The following SULT1E1 variants were observed in gnomAD, a reference collection of about 807,000 sequenced individuals.
The protein encoded by SULT1E1 is sulfotransferase family 1E member 1.
Under a neutral mutation model 33.6 loss-of-function variants are expected in SULT1E1, and 36 were observed. That is an observed-to-expected ratio of 1.07 (90% CI 0.82 to 1.41). The LOEUF is 1.41. Ranked by LOEUF, SULT1E1 falls within the 40% of genes most tolerant of loss-of-function variation. The pLI, the probability that SULT1E1 is intolerant of heterozygous loss-of-function variation, is 0.00. For missense variants in SULT1E1, 371 were observed against 345.7 expected (o/e 1.07, Z -0.58); for synonymous variants, 121 against 111.7 (o/e 1.08, Z -0.53).
Position 69,858,119 on chromosome 4 carries a change from T to C in SULT1E1, c.-9-466A>G, listed in dbSNP as rs566725563. Among the ~76,000 whole-genome samples, 304 of 152,282 alleles carry C rather than the reference T, an allele frequency of 2.0e-3. 3 individuals are homozygous for C. Among genetic ancestry groups the C allele is most frequent in the Non-Finnish European group, 3.7e-3 (252 of 67,976 alleles). ...GCCGGGTATCTAAGTCAGAGATTTT[T>C]GACTTCCTGAATATGTATCATTTTT... On this transcript the variant is annotated intron_variant, in intron 1 of 7. Transcript: ENST00000226444.
chr4:69,828,280 G>A, the SULT1E1 span, among the ~76,000 whole-genome samples: 10 of 152,124 alleles, frequency 6.6e-5, no homozygotes, highest in African/African-American at 9.7e-5. Flanking sequence ...TTGTTCTTTC[G>A]CTCTTCACAA....
At chr4:69,835,805 A>G in the SULT1E1 span, among the ~76,000 whole-genome samples, 1 of 152,044 alleles carries the variant, frequency 6.6e-6, no homozygotes, top group African/African-American at 2.4e-5. Context: ...TGTTATTTTT[A>G]TTTTTGTAGA....
chr4:69,826,605 G>T, the SULT1E1 span, among the ~76,000 whole-genome samples: 1 of 152,052 alleles, frequency 6.6e-6, no homozygotes, highest in Non-Finnish European at 1.5e-5. Flanking sequence ...CCCTTGAAAT[G>T]CATCCTAACT....
rs3775776 is a variant in SULT1E1 at position 69,848,770 on chromosome 4, A to G, written c.496+667T>C. On this transcript the variant is annotated intron_variant, in intron 5 of 7. Coordinates refer to ENST00000226444, the MANE Select transcript of SULT1E1 (RefSeq NM_005420.3). ...AAACACATTATTATTTTTCTTTATA[A>G]TTGTTACTACATGATCAGAATGGCC... Among the ~76,000 whole-genome samples the G allele has an allele frequency of 8.9e-3, 1,351 of 152,036 alleles. 138 individuals carry two copies. In the East Asian group the frequency reaches 0.24, roughly 27 times the overall value.
At position 69,849,510 on chromosome 4, in the gene SULT1E1, G is replaced by C; in HGVS notation, c.423C>G (p.Phe141Leu). ...AKDVAVSFYY[F>L]FLMVAGHPNP... ...TTGGATGACCAGCCACCATTAGAAA[G>C]AAATAATAAAAGGAAACAGCCACAT... The change falls in exon 5 of 8, where the codon TTC (phenylalanine) becomes TTG (leucine). Residue 141 changes from phenylalanine (F) to leucine (L), a missense_variant. Physicochemically the swap from Phe to Leu is conservative, Grantham distance 22. Transcript: ENST00000226444. 2 of 1,611,120 alleles carry C rather than the reference G, an allele frequency of 1.2e-6. No individual in the cohort carries two copies. Among genetic ancestry groups the C allele is most frequent in the Admixed American group, 1.7e-5 (1 of 59,714 alleles).
downstream of SULT1E1, among the ~76,000 whole-genome samples, chr4:69,839,800 G>C (rs1044941438): frequency 2.0e-5 from 3 of 152,144 alleles, no homozygotes; most frequent in African/African-American, 4.8e-5. Context: ...AAGTTTCTAC[G>C]TGAAATTGAA....
Position 69,855,308 on chromosome 4 carries a change from G to T in SULT1E1, c.264C>A (p.Leu88=). The change falls in exon 3 of 8, where the codon CTC becomes CTA. Residue 88 remains leucine (L), a synonymous_variant. Transcript: ENST00000226444. Reference sequence around the variant, plus strand: ...AATCAACTTGAACGTTACCATTCATGAGGTTTTCTTTTCTGCATTCCAGGA... The same window carrying T: ...AATCAACTTGAACGTTACCATTCATTAGGTTTTCTTTTCTGCATTCCAGGA... ...IPFLECRKEN[L]MNGVKQLDEM... 1 of 1,612,096 alleles carries T rather than the reference G, an allele frequency of 6.2e-7. No homozygotes were observed. The highest frequency in any genetic ancestry group is 8.5e-7 in the Non-Finnish European group (1 of 1,178,978).
intron 3 of SULT1E1, among the ~76,000 whole-genome samples, chr4:69,854,810 T>C (rs1721203923): frequency 6.6e-6 from 1 of 152,044 alleles, no homozygotes; most frequent in Non-Finnish European, 1.5e-5. Context: ...TCTTTTTCTC[T>C]CAAAATATTA....
At chr4:69,840,217 A>G (rs953248993), downstream of SULT1E1, among the ~76,000 whole-genome samples, 1 of 152,312 alleles carries the variant, frequency 6.6e-6, no homozygotes, top group South Asian at 2.1e-4. Flanking sequence ...CATTAAAAAA[A>G]AGCTTTGATT....
chr4:69,844,770 G>A (rs1290451515), intron 6 of SULT1E1, among the ~76,000 whole-genome samples: 1 of 152,062 alleles, frequency 6.6e-6, no homozygotes, highest in Non-Finnish European at 1.5e-5. Context: ...GAAAGATTAA[G>A]AAAAGGTGTA....
chr4:69,823,000 T>C, the SULT1E1 span, among the ~76,000 whole-genome samples: 2 of 152,282 alleles, frequency 1.3e-5, no homozygotes, highest in East Asian at 3.9e-4. Context: ...GGAATTATGA[T>C]GTGGTATGAG....
intron 6 of SULT1E1, among the ~76,000 whole-genome samples, chr4:69,844,797 C>A (rs868678912): frequency 1.9e-4 from 29 of 152,204 alleles, no homozygotes; most frequent in African/African-American, 5.1e-4. Context: ...CAAATACTCA[C>A]AATGCAACAT....
At chr4:69,824,103 G>A in the SULT1E1 span, among the ~76,000 whole-genome samples, 3 of 152,092 alleles carry the variant, frequency 2.0e-5, no homozygotes, top group African/African-American at 7.2e-5. Flanking sequence ...AGTCATTCTC[G>A]GATTTGATAA....
the SULT1E1 span, among the ~76,000 whole-genome samples, chr4:69,828,755 T>G: frequency 6.6e-6 from 1 of 152,178 alleles, no homozygotes; most frequent in East Asian, 1.9e-4. Context: ...TCCCTTGGCT[T>G]ATATAGAAGC....
intron 5 of SULT1E1, among the ~76,000 whole-genome samples, chr4:69,848,033 G>A: frequency 6.6e-6 from 1 of 151,486 alleles, no homozygotes; most frequent in Non-Finnish European, 1.5e-5. Flanking sequence ...CAGAAAAACA[G>A]GGAAAGTTCT....
the SULT1E1 span, among the ~76,000 whole-genome samples, chr4:69,827,837 T>C: frequency 6.6e-6 from 1 of 152,174 alleles, no homozygotes; most frequent in Non-Finnish European, 1.5e-5. Flanking sequence ...AGCAGGCCAA[T>C]TACCCGTGAG....
downstream of SULT1E1, among the ~76,000 whole-genome samples, chr4:69,836,501 T>C (rs1396234117): frequency 6.6e-6 from 1 of 152,168 alleles, no homozygotes; most frequent in Non-Finnish European, 1.5e-5. Context: ...TCTTCTAACA[T>C]AGGTATTTGG....
chr4:69,848,820 G>C (rs1721037498), intron 5 of SULT1E1, among the ~76,000 whole-genome samples: 1 of 151,760 alleles, frequency 6.6e-6, no homozygotes, highest in African/African-American at 2.4e-5. Flanking sequence ...AGACTATCCT[G>C]CACCCTTTCT....
the SULT1E1 span, among the ~76,000 whole-genome samples, chr4:69,832,298 T>C: frequency 2.6e-5 from 4 of 152,182 alleles, no homozygotes; most frequent in Admixed American, 1.3e-4. Context: ...TGATCTCCCA[T>C]GGCTGGGAGC....
Sources: gnomAD v4.1 joint callset for allele counts (sites outside exome capture counted in the v4.1 genomes callset) on GRCh38, gnomAD v4.1.1 for gene constraint, MANE v1.5 for transcripts, NCBI Gene and HGNC (gene_info 2026-07-23, HGNC 2026-07-21) for gene names.